Variants in STAU1 observed in about 807,000 individuals in gnomAD.
STAU1 encodes the protein double-stranded RNA-binding protein Staufen homolog 1.
A neutral mutation model predicts 62.9 loss-of-function variants in STAU1; 13 were observed. The observed-to-expected ratio is 0.21, with a 90% CI of 0.13 to 0.33. The LOEUF (loss-of-function observed/expected upper bound fraction) is 0.33, where lower values mean the gene tolerates loss of function less well. STAU1 is among the 10% of genes least tolerant of loss of function. The pLI is 1.00. For synonymous variants in STAU1, 269 were observed against 265.1 expected (o/e 1.01, Z -0.14); for missense variants, 571 against 712.1 (o/e 0.80, Z 2.25).
chr20:49,210,697 G>A, the STAU1 span, among the ~76,000 whole-genome samples: 2 of 152,142 alleles, frequency 1.3e-5, no homozygotes, highest in Non-Finnish European at 2.9e-5. Flanking sequence ...TTTCTTGGTT[G>A]AAAAACTTGT....
the STAU1 span, among the ~76,000 whole-genome samples, chr20:49,198,985 A>G: frequency 6.6e-6 from 1 of 151,524 alleles, no homozygotes; most frequent in African/African-American, 2.4e-5. Flanking sequence ...CCCCGCCAAA[A>G]AAATACAAAA....
chr20:49,209,176 T>C, the STAU1 span, among the ~76,000 whole-genome samples: 4 of 146,094 alleles, frequency 2.7e-5, no homozygotes, highest in East Asian at 2.1e-4. Flanking sequence ...CTCAGGTGAT[T>C]TGCCTGCCTC....
At chr20:49,163,642 T>C (rs775964208) in intron 3 of STAU1, among the ~76,000 whole-genome samples, 12 of 152,060 alleles carry the variant, frequency 7.9e-5, no homozygotes, top group Non-Finnish European at 1.6e-4. Context: ...GCCAGGCTGG[T>C]CTCAAACTCC....
At chr20:49,174,358 A>G (rs982680732) in intron 1 of STAU1, 89 bp from the exon 2 acceptor site, 3 of 152,186 alleles carry the variant, frequency 2.0e-5, no homozygotes, top group African/African-American at 7.2e-5. Context: ...GGAAACCTAT[A>G]ATTTACAAGT....
chr20:49,140,866 T>C (rs1039779871), intron 5 of STAU1, among the ~76,000 whole-genome samples: 1 of 151,690 alleles, frequency 6.6e-6, no homozygotes, highest in African/African-American at 2.4e-5. Flanking sequence ...CCAGAAATCA[T>C]CAACACAGTA....
the STAU1 span, among the ~76,000 whole-genome samples, chr20:49,198,237 C>T: frequency 2.0e-5 from 3 of 152,042 alleles, no homozygotes; most frequent in South Asian, 4.1e-4. Flanking sequence ...AAAAATAGGC[C>T]GGGCGCGGTG....
In STAU1 at chr20:49,118,324, C is replaced by G. The variant is rs2092380607; in HGVS notation, c.1189+9G>C. On this transcript the variant is annotated intron_variant, in intron 10 of 13. Transcript: ENST00000371856. ...GTTCAGAGGAAGACGATATTAAGATCACACTTACTAGTCCCATTTTCATCC... is the reference window on the plus strand; with the variant it reads ...GTTCAGAGGAAGACGATATTAAGATGACACTTACTAGTCCCATTTTCATCC... 1.2e-6 allele frequency: 2 copies of G among 1,609,766 alleles called. No homozygotes were observed. The highest frequency in any genetic ancestry group is 3.4e-5 in the Admixed American group (2 of 59,356).
At chr20:49,130,707 T>C (rs2092730653) in intron 6 of STAU1, among the ~76,000 whole-genome samples, 1 of 152,220 alleles carries the variant, frequency 6.6e-6, no homozygotes, top group Non-Finnish European at 1.5e-5. Flanking sequence ...AATTTTGACA[T>C]CTACCACAGT....
intron 3 of STAU1, among the ~76,000 whole-genome samples, chr20:49,163,472 C>T (rs1648617650): frequency 7.8e-6 from 1 of 127,640 alleles, no homozygotes; most frequent in African/African-American, 3.1e-5. Flanking sequence ...GTTGCCCAGA[C>T]TGGAGTGCGG....
chr20:49,124,347 C>T lies in STAU1; in HGVS notation c.822+28G>A, dbSNP rs377518668. ...CCCACCCATCTATAAGTAATGAAAA[C>T]ACCTTCTGTGTTCAGAAAAGTTCTC... is the stretch of plus-strand genomic sequence containing the variant. On this transcript the variant is annotated intron_variant, in intron 7 of 13. Transcript: ENST00000371856. 22 of 1,609,164 alleles carry T rather than the reference C, an allele frequency of 1.4e-5. No homozygotes were observed. The African/African-American group carries it at 2.9e-4, about 22-fold the overall frequency.
the STAU1 span, among the ~76,000 whole-genome samples, chr20:49,206,728 T>TAC: frequency 3.7e-5 from 3 of 80,862 alleles, no homozygotes; most frequent in African/African-American, 5.3e-5. Flanking sequence ...TTTATATATA[T>TAC]ATATATATAT....
At chr20:49,206,959 T>C in the STAU1 span, among the ~76,000 whole-genome samples, 1 of 151,526 alleles carries the variant, frequency 6.6e-6, no homozygotes, top group Admixed American at 6.6e-5. Flanking sequence ...TTTCACCATG[T>C]TGGCCAGGAT....
chr20:49,191,849 G>A (rs987277521), upstream of STAU1, among the ~76,000 whole-genome samples: 5 of 151,958 alleles, frequency 3.3e-5, no homozygotes, highest in East Asian at 3.9e-4. Flanking sequence ...TCAGGAGTTC[G>A]AGACCAGCCT....
At chr20:49,188,086 A>ACCAGG (rs1304659270) in intron 1 of STAU1, 30 bp downstream of exon 1, 2 of 150,486 alleles carry the variant, frequency 1.3e-5, no homozygotes, top group Admixed American at 6.6e-5. Context: ...CGAGGGCCCC[A>ACCAGG]CCAGGCCCGG....
intron 1 of STAU1, among the ~76,000 whole-genome samples, chr20:49,180,108 C>G (rs982065581): frequency 1.3e-5 from 2 of 152,200 alleles, no homozygotes; most frequent in African/African-American, 4.8e-5. Context: ...GTTCAGGAAG[C>G]AGTTCAATTC....
rs565295447 is a variant in STAU1, at chr20:49,157,892, G to A, written c.206-3821C>T. ...CTCGCCTCAGCCTTCCAAAGTGATA[G>A]GATTTAAGGCATGAGCGTTTCTATT... On this transcript the variant is annotated intron_variant, in intron 3 of 13. Transcript: ENST00000371856. 2.2e-4 allele frequency among the ~76,000 whole-genome samples: 34 copies of A among 152,264 alleles called. No homozygotes were observed. In the South Asian group the frequency reaches 7.0e-3, roughly 32 times the overall value.
chr20:49,182,940 TA>T (rs2093744628), intron 1 of STAU1, among the ~76,000 whole-genome samples: 1 of 151,850 alleles, frequency 6.6e-6, no homozygotes, highest in Admixed American at 6.6e-5. Context: ...TAAAACTTCA[TA>T]AACTTTGTTA....
chr20:49,144,728 G>A (rs948201221), intron 5 of STAU1, among the ~76,000 whole-genome samples: 1 of 152,104 alleles, frequency 6.6e-6, no homozygotes, highest in Admixed American at 6.5e-5. Context: ...GGAAGACAAT[G>A]CAATAGCCTA....
intron 3 of STAU1, among the ~76,000 whole-genome samples, chr20:49,164,791 A>G (rs2093501125): frequency 6.6e-6 from 1 of 152,148 alleles, no homozygotes; most frequent in African/African-American, 2.4e-5. Flanking sequence ...AAAGGAAAGA[A>G]GAGAAAAAAA....
Sources: allele counts gnomAD v4.1 joint callset (sites outside exome capture counted in the v4.1 genomes callset), GRCh38; gene constraint gnomAD v4.1.1; transcripts MANE v1.5; gene names NCBI Gene and HGNC (gene_info 2026-07-23, HGNC 2026-07-21).